Variants in ADAMTS13 observed in about 807,000 individuals in gnomAD.
ADAMTS13 encodes A disintegrin and metalloproteinase with thrombospondin motifs 13.
In ADAMTS13, 110 loss-of-function variants were observed where a neutral mutation model predicts 155.1. The observed-to-expected ratio is 0.71, with a 90% CI of 0.61 to 0.83. ADAMTS13 has a LOEUF of 0.83. Among genes scored for constraint, ADAMTS13 ranks in the 40% least tolerant of loss-of-function variants. ADAMTS13 has a pLI of 0.00. For synonymous variants in ADAMTS13, 758 were observed against 756.4 expected, an observed-to-expected ratio of 1.00 and a Z score of -0.03; for missense variants, 1,707 against 1,891.7, an observed-to-expected ratio of 0.90 and a Z score of 1.81.
upstream of ADAMTS13, among the ~76,000 whole-genome samples, chr9:133,419,614 C>T (rs71503191): frequency 0.055 from 8,336 of 152,118 alleles, 328 homozygotes; most frequent in Non-Finnish European, 0.087. Context: ...TGAGTGGCAT[C>T]AGAGAATCCA....
intron 28 of ADAMTS13, 137 bp from the exon 29 acceptor site, chr9:133,458,837 A>G: frequency 4.9e-6 from 4 of 812,614 alleles, no homozygotes; most frequent in South Asian, 1.6e-5. Flanking sequence ...TTCTGGGTAG[A>G]GTAATGGCGT....
upstream of ADAMTS13, among the ~76,000 whole-genome samples, chr9:133,420,971 G>C (rs1839929451): frequency 6.6e-6 from 1 of 152,242 alleles, no homozygotes; most frequent in African/African-American, 2.4e-5. Context: ...TTGTAATCAA[G>C]AGACACCAGA....
Position 133,422,476 on chromosome 9 carries a change from T to A in ADAMTS13, c.33T>A (p.Pro11=). 1 of 1,614,062 alleles carries A rather than the reference T, an allele frequency of 6.2e-7. No individual in the cohort carries two copies. Among genetic ancestry groups the A allele is most frequent in the South Asian group, 1.1e-5 (1 of 91,082 alleles). Residue 11 remains proline, a synonymous_variant, in exon 1 of 29, where the codon CCT becomes CCA. Coordinates refer to ENST00000355699, the MANE Select transcript of ADAMTS13 (RefSeq NM_139027.6). ...AGCGTCACCCCCGGGCAAGATGCCC[T>A]CCCCTCTGTGTGGCCGGAATCCTTG... is the stretch of plus-strand genomic sequence containing the variant. MHQRHPRARC[P]PLCVAGILAC...
chr9:133,442,449 C>T lies in ADAMTS13; in HGVS notation c.2019C>T (p.Ile673=), dbSNP rs1841741614. The T allele has an allele frequency of 4.3e-6, 7 of 1,613,810 alleles. No homozygotes were observed. Among genetic ancestry groups the T allele is most frequent in the Non-Finnish European group, 5.9e-6 (7 of 1,180,052 alleles). The change falls in exon 17 of 29, where the codon ATC becomes ATT. Residue 673 remains isoleucine, a synonymous_variant. Coordinates refer to ENST00000355699, the MANE Select transcript of ADAMTS13 (RefSeq NM_139027.6). ...ATGGCAACCTCACCCGCCCAGACATCACCTTCACCTACTTCCAGCCTAAGC... is the reference window on the plus strand; with the variant it reads ...ATGGCAACCTCACCCGCCCAGACATTACCTTCACCTACTTCCAGCCTAAGC... ...EEYGNLTRPD[I]TFTYFQPKPR... is the part of the protein sequence containing the mutation.
upstream of ADAMTS13, among the ~76,000 whole-genome samples, chr9:133,417,446 C>A (rs781972320): frequency 6.6e-6 from 1 of 152,262 alleles, no homozygotes; most frequent in African/African-American, 2.4e-5. Flanking sequence ...TTCTTTCAAG[C>A]AAACAAGTTC....
Position 133,456,449 on chromosome 9 carries a change from G to A in ADAMTS13, c.3548-94G>A. ...AGTCACATAGCCAGCAGTGGGAGAG[G>A]TGGGACTTGAACTCGGCTCAGTCTA... On this transcript the variant is annotated intron_variant, in intron 26 of 28. Transcript: ENST00000355699. This position sits in a 1 kb window ranked among gnomAD's most constrained non-coding sequence, Gnocchi z 4.4. 15 of 1,501,780 alleles carry A rather than the reference G, an allele frequency of 1.0e-5. No homozygotes were observed. The highest frequency in any genetic ancestry group is 1.4e-5 in the Non-Finnish European group (15 of 1,101,412). 93.0% of individuals were successfully genotyped at this position (1,501,780 alleles called of 1,614,324 possible). A position where few individuals can be genotyped will look rare whatever the true frequency, so the allele number is the denominator to read the frequency against.
Position 133,445,652 on chromosome 9 carries a change from T to C in ADAMTS13, c.2611-47T>C. 1 of 1,612,040 alleles carries C rather than the reference T, an allele frequency of 6.2e-7. No homozygotes were observed. The highest frequency in any genetic ancestry group is 8.5e-7 in the Non-Finnish European group (1 of 1,179,754). ...GAAGATCGAGACGGGGATCGCTGGGTCCTCAGAGGAGGCCCAGACCCACCA... is the reference window on the plus strand; with the variant it reads ...GAAGATCGAGACGGGGATCGCTGGGCCCTCAGAGGAGGCCCAGACCCACCA... On this transcript the variant is annotated intron_variant, in intron 20 of 28. Coordinates refer to ENST00000355699, the MANE Select transcript of ADAMTS13 (RefSeq NM_139027.6). This position sits in a 1 kb window ranked among gnomAD's most constrained non-coding sequence, Gnocchi z 5.0.
chr9:133,433,492 G>A lies in ADAMTS13; in HGVS notation c.1207G>A (p.Gly403Ser). ...RSPCSRSCGG[G>S]VVTRRRQCNN... ...TCCTTGCTCCCGCTCCTGCGGAGGA[G>A]GTGTGGTCACCAGGAGGCGGCAGTG... Residue 403 changes from glycine (G) to serine (S), a missense_variant, in exon 10 of 29, where the codon GGT (glycine) becomes AGT (serine). Transcript: ENST00000355699. 3.7e-6 allele frequency: 6 copies of A among 1,613,698 alleles called. No individual in the cohort carries two copies. The highest frequency in any genetic ancestry group is 5.1e-6 in the Non-Finnish European group (6 of 1,179,988).
In ADAMTS13 at chr9:133,425,890, G is replaced by A. The variant is rs782153940; in HGVS notation, c.415-48G>A. 1.5e-5 allele frequency: 24 copies of A among 1,610,652 alleles called. No individual in the cohort carries two copies. The highest frequency in any genetic ancestry group is 1.6e-4 in the Middle Eastern group (1 of 6,084). On this transcript the variant is annotated intron_variant, in intron 4 of 28. Coordinates refer to ENST00000355699, the MANE Select transcript of ADAMTS13 (RefSeq NM_139027.6). The surrounding 1 kb of genome is among the most constrained non-coding windows in gnomAD (Gnocchi z 4.6). Reference sequence around the variant, plus strand: ...AAACAAACCGACCGCAGTCAGCACCGTGCCTGGTTGGGGTGTCCTAAATGC... The same window carrying A: ...AAACAAACCGACCGCAGTCAGCACCATGCCTGGTTGGGGTGTCCTAAATGC...
In ADAMTS13 at chr9:133,428,743, A is replaced by T; in HGVS notation, c.796A>T (p.Ser266Cys). The change falls in exon 7 of 29, where the codon AGC (serine) becomes TGC (cysteine). Residue 266 changes from serine (S) to cysteine (C), a missense_variant. This residue lies in a region of ADAMTS13 where 733 missense variants were observed against 749.6 expected (regional missense o/e 0.98). Coordinates refer to ENST00000355699, the MANE Select transcript of ADAMTS13 (RefSeq NM_139027.6). ...PRAGLAWSPC[S>C]RRQLLSLLSA... ...CGCCGGCCTCGCCTGGTCCCCCTGC[A>T]GCCGCCGGCAGCTGCTGAGCCTGCT... is the stretch of plus-strand genomic sequence containing the variant. 3.0e-6 allele frequency: 4 copies of T among 1,355,842 alleles called. No individual in the cohort carries two copies. Among genetic ancestry groups the T allele is most frequent in the Non-Finnish European group, 3.8e-6 (4 of 1,050,672 alleles). 84.0% of individuals were successfully genotyped at this position (1,355,842 alleles called of 1,614,324 possible).
rs1840192510 is a variant in ADAMTS13, at chr9:133,425,055, T to C, written c.331-474T>C. ...GAAAGACAAACAAGGCCAGGCGCGGTGGCTCATGCCTATAATCCCAGCACT... is the reference window on the plus strand; with the variant it reads ...GAAAGACAAACAAGGCCAGGCGCGGCGGCTCATGCCTATAATCCCAGCACT... On this transcript the variant is annotated intron_variant, in intron 3 of 28. Transcript: ENST00000355699. This position sits in a 1 kb window ranked among gnomAD's most constrained non-coding sequence, Gnocchi z 4.6. Among the ~76,000 whole-genome samples, 1 of 152,220 alleles carries C rather than the reference T, an allele frequency of 6.6e-6. No individual in the cohort carries two copies. Among genetic ancestry groups the C allele is most frequent in the Non-Finnish European group, 1.5e-5 (1 of 68,040 alleles).
At position 133,441,602 on chromosome 9, in the gene ADAMTS13, G is replaced by C. The variant is rs375099094; in HGVS notation, c.1969-797G>C. ...GCCCTGGGCTCTGGCCTCCAGGCTG[G>C]CCTCTTTCTTGGGCTGGTCTTGGGC... On this transcript the variant is annotated intron_variant, in intron 16 of 28. Coordinates refer to ENST00000355699, the MANE Select transcript of ADAMTS13 (RefSeq NM_139027.6). This position sits in a 1 kb window ranked among gnomAD's most constrained non-coding sequence, Gnocchi z 5.0. 2.6e-5 allele frequency among the ~76,000 whole-genome samples: 4 copies of C among 152,180 alleles called. No individual in the cohort carries two copies. The highest frequency in any genetic ancestry group is 5.9e-5 in the Non-Finnish European group (4 of 68,032).
Position 133,433,383 on chromosome 9 carries a change from C to T in ADAMTS13, c.1098C>T (p.Cys366=), listed in dbSNP as rs1554788041. Reference sequence around the variant, plus strand: ...AAGCCATCCTTGCCTTGCAGTGGTGCTCCAAGGGTCGCTGCCGCTCCCTGG... The same window carrying T: ...AAGCCATCCTTGCCTTGCAGTGGTGTTCCAAGGGTCGCTGCCGCTCCCTGG... The part of the protein sequence containing the change: ...DGTECGVEKW[C]SKGRCRSLVE... Residue 366 remains cysteine (C), a synonymous_variant, in exon 10 of 29, where the codon TGC becomes TGT. Transcript: ENST00000355699. 5 of 1,612,644 alleles carry T rather than the reference C, an allele frequency of 3.1e-6. No homozygotes were observed. In the Admixed American group the frequency reaches 8.3e-5, roughly 27 times the overall value.
rs782557446 is a variant in ADAMTS13 at position 133,425,625 on chromosome 9, C to T, written c.414+13C>T. Reference sequence around the variant, plus strand: ...GACAGAGCCTGAGGTAGGCATGGAGCTGGAACTCAGCACACCATACAGAGC... The same window carrying T: ...GACAGAGCCTGAGGTAGGCATGGAGTTGGAACTCAGCACACCATACAGAGC... On this transcript the variant is annotated intron_variant, in intron 4 of 28. Transcript: ENST00000355699. The surrounding 1 kb of genome is among the most constrained non-coding windows in gnomAD (Gnocchi z 4.6). The T allele has an allele frequency of 1.9e-6, 3 of 1,612,534 alleles. No homozygotes were observed. Among genetic ancestry groups the T allele is most frequent in the East Asian group, 2.2e-5 (1 of 44,868 alleles).
At chr9:133,450,036 G>A in intron 23 of ADAMTS13, 71 bp downstream of exon 23, 2 of 1,508,496 alleles carry the variant, frequency 1.3e-6, no homozygotes, top group Non-Finnish European at 1.8e-6. Flanking sequence ...TGTGGTGTGT[G>A]CCTGTAATCG....
chr9:133,433,061 C>T lies in ADAMTS13; in HGVS notation c.1093-317C>T, dbSNP rs77395181. Among the ~76,000 whole-genome samples the T allele has an allele frequency of 2.6e-3, 342 of 131,916 alleles. 2 individuals carry two copies. The highest frequency in any genetic ancestry group is 0.019 in the East Asian group (84 of 4,472). The allele number at this position is 131,916 out of a possible 152,430, so 86.5% of individuals were successfully genotyped here. A position where few individuals can be genotyped will look rare whatever the true frequency, so the allele number is the denominator to read the frequency against. ...GTCCTTATGTGTGTGTTGGAGGATC[C>T]CTGTGTGTTGAGGGGTCCCTGGGGG... On this transcript the variant is annotated intron_variant, in intron 9 of 28. Transcript: ENST00000355699.
chr9:133,458,555 C>CAAAAAAAAAAAAAAAA (rs10699153), intron 28 of ADAMTS13, among the ~76,000 whole-genome samples: 7 of 56,228 alleles, frequency 1.2e-4, no homozygotes, highest in African/African-American at 3.0e-4. Flanking sequence ...GACTCTGTCT[C>CAAAAAAAAAAAAAAAA]AAAAAAAAAA....
At chr9:133,452,776 C>G (rs1842512041) in intron 23 of ADAMTS13, among the ~76,000 whole-genome samples, 1 of 152,156 alleles carries the variant, frequency 6.6e-6, no homozygotes, top group Non-Finnish European at 1.5e-5. Flanking sequence ...TCCCGAGTAG[C>G]TGGGATGCAG....
Position 133,424,369 on chromosome 9 carries a change from G to C in ADAMTS13, c.221G>C (p.Arg74Pro). 1 of 1,613,280 alleles carries C rather than the reference G, an allele frequency of 6.2e-7. No individual in the cohort carries two copies. The highest frequency in any genetic ancestry group is 2.2e-5 in the East Asian group (1 of 44,860). The part of the protein sequence containing the change: ...GFQRQRQRQR[R>P]AAGGILHLEL... ...CAGAGGCAGAGGCAGAGGCAGAGGC[G>C]GGCTGCAGGCGGCATCCTACACCTG... The change falls in exon 3 of 29, where the codon CGG becomes CCG. Residue 74 changes from arginine (R) to proline (P), a missense_variant. By Grantham distance (103) the Arg-to-Pro change is moderately radical. Coordinates refer to ENST00000355699, the MANE Select transcript of ADAMTS13 (RefSeq NM_139027.6). The surrounding 1 kb of genome is among the most constrained non-coding windows in gnomAD (Gnocchi z 4.3).
Sources: gnomAD v4.1 joint callset for allele counts (sites outside exome capture counted in the v4.1 genomes callset) on GRCh38, gnomAD v4.1.1 for gene constraint, gnomAD v4.1.1 regional missense constraint, Gnocchi (gnomAD v3.1) non-coding constraint, MANE v1.5 for transcripts, NCBI Gene and HGNC (gene_info 2026-07-23, HGNC 2026-07-21) for gene names.